HOXB5: variants seen among roughly 807,000 people sequenced by gnomAD.
HOXB5 encodes the protein homeobox protein Hox-B5.
A neutral mutation model predicts 19.6 loss-of-function variants in HOXB5; 10 were observed. The observed-to-expected ratio is 0.51, with a 90% CI of 0.32 to 0.87. The LOEUF is 0.87. Ranked by LOEUF, HOXB5 falls within the 40% of genes least tolerant of loss-of-function variation. HOXB5 has a pLI of 0.04. For synonymous variants in HOXB5, 167 were observed against 156.9 expected (o/e 1.06, Z -0.48); for missense variants, 353 against 369.6 (o/e 0.96, Z 0.37).
At position 48,592,444 on chromosome 17, in the gene HOXB5, G is replaced by T. The variant is rs373035488; in HGVS notation, c.575C>A (p.Pro192Gln). Reference protein sequence around the residue: ...KLHISHDMTGPDGKRARTAYT... With the variant: ...KLHISHDMTGQDGKRARTAYT... Reference sequence around the variant, plus strand: ...CGCGGTCCGGGCCCTTTTCCCGTCCGGCCCGGTCATATCTGGAGCAGATAG... The same window carrying T: ...CGCGGTCCGGGCCCTTTTCCCGTCCTGCCCGGTCATATCTGGAGCAGATAG... Residue 192 changes from proline to glutamine, a missense_variant, in exon 2 of 2, where the codon CCG becomes CAG. Pro to Gln is a moderately conservative substitution (Grantham distance 76, BLOSUM62 -1). Transcript: ENST00000239151. 1.3e-6 allele frequency: 2 copies of T among 1,591,682 alleles called. No individual in the cohort carries two copies. Among genetic ancestry groups the T allele is most frequent in the South Asian group, 1.1e-5 (1 of 90,834 alleles).
In HOXB5 at chr17:48,593,480, G is replaced by C; in HGVS notation, c.203C>G (p.Ala68Gly). ...GAAGGCGCGCGAGCTCTCGCCCACC[G>C]CCCCAAAGTGGCTGGAGGAGGCCGA... Reference protein sequence around the residue: ...RSSASSSHFGAVGESSRAFPA... With the variant: ...RSSASSSHFGGVGESSRAFPA... Residue 68 changes from alanine to glycine, a missense_variant, in exon 1 of 2, where the codon GCG (alanine) becomes GGG (glycine). Coordinates refer to ENST00000239151, the MANE Select transcript of HOXB5 (RefSeq NM_002147.4). The C allele has an allele frequency of 6.2e-7, 1 of 1,613,110 alleles. No homozygotes were observed. The highest frequency in any genetic ancestry group is 8.5e-7 in the Non-Finnish European group (1 of 1,179,538).
In HOXB5 at chr17:48,592,986, C is replaced by T. The variant is rs191093159; in HGVS notation, c.562+135G>A. The T allele has an allele frequency of 9.9e-6, 6 of 608,362 alleles. No homozygotes were observed. The Admixed American group carries it at 1.3e-4, about 13-fold the overall frequency. The allele number at this position is 608,362 out of a possible 1,614,324, so 37.7% of individuals were successfully genotyped here. A position where few individuals can be genotyped will look rare whatever the true frequency, so the allele number is the denominator to read the frequency against. ...GGCTCTGTCTACGAAGCTATGAGGC[C>T]CCTCTTAGATACTTCTCCCCCTTAG... is the stretch of plus-strand genomic sequence containing the variant. On this transcript the variant is annotated intron_variant, in intron 1 of 1. Coordinates refer to ENST00000239151, the MANE Select transcript of HOXB5 (RefSeq NM_002147.4).
At chr17:48,593,059 C>CCCACCCACCCCAAA in intron 1 of HOXB5, 62 bp downstream of exon 1, 1 of 637,342 alleles carries the variant, frequency 1.6e-6, no homozygotes. Flanking sequence ...CTTGTCCCCC[C>CCCACCCACCCCAAA]GATCCCACCC....
chr17:48,592,440 G>A lies in HOXB5; in HGVS notation c.579C>T (p.Asp193=). The A allele has an allele frequency of 1.2e-6, 2 of 1,603,666 alleles. No homozygotes were observed. Among genetic ancestry groups the A allele is most frequent in the Non-Finnish European group, 1.7e-6 (2 of 1,174,288 alleles). The change falls in exon 2 of 2, where the codon GAC becomes GAT. Residue 193 remains aspartate (D), a synonymous_variant. Coordinates refer to ENST00000239151, the MANE Select transcript of HOXB5 (RefSeq NM_002147.4). ...TATACGCGGTCCGGGCCCTTTTCCC[G>A]TCCGGCCCGGTCATATCTGGAGCAG... ...LHISHDMTGP[D]GKRARTAYTR...
chr17:48,592,419 C>T lies in HOXB5; in HGVS notation c.600G>A (p.Ala200=), dbSNP rs888380176. ...TGPDGKRART[A]YTRYQTLELE... is the part of the protein sequence containing the mutation. Reference sequence around the variant, plus strand: ...GCTCCAGGGTCTGGTAGCGGGTATACGCGGTCCGGGCCCTTTTCCCGTCCG... The same window carrying T: ...GCTCCAGGGTCTGGTAGCGGGTATATGCGGTCCGGGCCCTTTTCCCGTCCG... The change falls in exon 2 of 2, where the codon GCG becomes GCA. Residue 200 remains alanine (A), a synonymous_variant. Coordinates refer to ENST00000239151, the MANE Select transcript of HOXB5 (RefSeq NM_002147.4). The T allele has an allele frequency of 6.3e-7, 1 of 1,597,502 alleles. No individual in the cohort carries two copies. Among genetic ancestry groups the T allele is most frequent in the Non-Finnish European group, 8.6e-7 (1 of 1,169,384 alleles).
chr17:48,592,254 C>CAGA lies in HOXB5; in HGVS notation c.764_765insTCT (p.Lys254_Leu255insPhe), dbSNP rs1194109298. On this transcript the variant is annotated inframe_insertion, in exon 2 of 2. Coordinates refer to ENST00000239151, the MANE Select transcript of HOXB5 (RefSeq NM_002147.4). ...CAGCTGTAGCCAGGCTCATACTTTT[C>CAGA]AATTTGTTGTCCTTCTTCCACTTCA... 1.9e-6 allele frequency: 3 copies of CAGA among 1,613,982 alleles called. No homozygotes were observed. The South Asian group carries it at 3.3e-5, about 18-fold the overall frequency.
At chr17:48,593,059 C>CCCACCCACCCCCAA in intron 1 of HOXB5, 62 bp downstream of exon 1, 2 of 637,344 alleles carry the variant, frequency 3.1e-6, no homozygotes, top group Non-Finnish European at 5.5e-6. Flanking sequence ...CTTGTCCCCC[C>CCCACCCACCCCCAA]GATCCCACCC....
chr17:48,593,053 T>TGGCCCCCCCCC, intron 1 of HOXB5, 68 bp downstream of exon 1: 1 of 621,654 alleles, frequency 1.6e-6, no homozygotes, highest in East Asian at 3.0e-5. Context: ...GCTCTCCTTG[T>TGGCCCCCCCCC]CCCCCCGATC....
intron 1 of HOXB5, 68 bp downstream of exon 1, chr17:48,593,053 T>TGCCCCCCCCCCC: frequency 1.6e-6 from 1 of 621,654 alleles, no homozygotes; most frequent in Middle Eastern, 5.0e-4. Flanking sequence ...GCTCTCCTTG[T>TGCCCCCCCCCCC]CCCCCCGATC....
At position 48,592,155 on chromosome 17, in the gene HOXB5, G is replaced by T; in HGVS notation, c.*54C>A. ...CGGCAGAGCGGGGAGGATTGGAGGG[G>T]CCAGGGCTGGGGGTGGCACGGGCTC... On this transcript the variant is annotated 3_prime_UTR_variant, in exon 2 of 2. Transcript: ENST00000239151. 1 of 1,584,924 alleles carries T rather than the reference G, an allele frequency of 6.3e-7. No homozygotes were observed.
rs568039277 is a variant in HOXB5, at chr17:48,592,128, G to A, written c.*81C>T. ...TTGTGGGAACCGGTCCCCAGCGGGC[G>A]GCGGCAGAGCGGGGAGGATTGGAGG... On this transcript the variant is annotated 3_prime_UTR_variant, in exon 2 of 2. Transcript: ENST00000239151. 2.5e-4 allele frequency: 381 copies of A among 1,497,434 alleles called. 1 individual carries two copies. The African/African-American group carries it at 4.8e-3, about 19-fold the overall frequency. 92.8% of individuals were successfully genotyped at this position (1,497,434 alleles called of 1,614,324 possible). A position where few individuals can be genotyped will look rare whatever the true frequency, so the allele number is the denominator to read the frequency against.
At position 48,592,082 on chromosome 17, in the gene HOXB5, G is replaced by GT. The variant is rs1246408038; in HGVS notation, c.*126dup. On this transcript the variant is annotated 3_prime_UTR_variant, in exon 2 of 2. Transcript: ENST00000239151. ...AAGACCTAAGACCAAACGAAATATC[G>GT]TAACACAAGGCGAGGCAGGCTTGTG... 7 of 1,080,462 alleles carry GT rather than the reference G, an allele frequency of 6.5e-6. No individual in the cohort carries two copies. The African/African-American group carries it at 1.1e-4, about 17-fold the overall frequency. 66.9% of individuals were successfully genotyped at this position (1,080,462 alleles called of 1,614,324 possible). A position where few individuals can be genotyped will look rare whatever the true frequency, so the allele number is the denominator to read the frequency against.
intron 1 of HOXB5, among the ~76,000 whole-genome samples, 169 bp from the exon 2 acceptor site, chr17:48,592,625 C>G (rs1287716854): frequency 6.6e-6 from 1 of 152,230 alleles, no homozygotes; most frequent in East Asian, 1.9e-4. Flanking sequence ...TTCTGCACCC[C>G]TTTCTACTGC....
Position 48,593,179 on chromosome 17 carries a change from C to T in HOXB5, c.504G>A (p.Ala168=), listed in dbSNP as rs778131881. Residue 168 remains alanine, a synonymous_variant, in exon 1 of 2, where the codon GCG becomes GCA. Coordinates refer to ENST00000239151, the MANE Select transcript of HOXB5 (RefSeq NM_002147.4). ...QPEPMATSTA[A]PEGQTPQIFP... ...ATATTTGCGGAGTCTGCCCCTCGGG[C>T]GCGGCTGTGGAGGTGGCCATGGGCT... 4 of 1,594,908 alleles carry T rather than the reference C, an allele frequency of 2.5e-6. No homozygotes were observed. The Admixed American group carries it at 7.0e-5, about 28-fold the overall frequency.
rs1175501964 is a variant in HOXB5, at chr17:48,592,275, C to T, written c.744G>A (p.Lys248=). The change falls in exon 2 of 2, where the codon AAG becomes AAA. Residue 248 remains lysine (K), a synonymous_variant. Transcript: ENST00000239151. The stretch of plus-strand genomic sequence containing the variant: ...TTTTCAATTTGTTGTCCTTCTTCCA[C>T]TTCATGCGCCGGTTCTGGAACCAGA... ...IKIWFQNRRM[K]WKKDNKLKSM... is the part of the protein sequence containing the mutation. The T allele has an allele frequency of 6.2e-7, 1 of 1,614,060 alleles. No individual in the cohort carries two copies. The highest frequency in any genetic ancestry group is 1.7e-5 in the Admixed American group (1 of 60,014).
intron 1 of HOXB5, 56 bp downstream of exon 1, chr17:48,593,065 C>T: frequency 2.6e-6 from 2 of 761,326 alleles, no homozygotes; most frequent in Non-Finnish European, 4.2e-6. Context: ...CCCCCGATCC[C>T]ACCCCAAAAC....
Position 48,592,124 on chromosome 17 carries a change from G to T in HOXB5, c.*85C>A. The T allele has an allele frequency of 2.7e-6, 4 of 1,482,430 alleles. No homozygotes were observed. The highest frequency in any genetic ancestry group is 2.7e-6 in the Non-Finnish European group (3 of 1,101,586). 91.8% of individuals were successfully genotyped at this position (1,482,430 alleles called of 1,614,324 possible). ...AGGCTTGTGGGAACCGGTCCCCAGC[G>T]GGCGGCGGCAGAGCGGGGAGGATTG... On this transcript the variant is annotated 3_prime_UTR_variant, in exon 2 of 2. Coordinates refer to ENST00000239151, the MANE Select transcript of HOXB5 (RefSeq NM_002147.4).
chr17:48,593,637 CATTTGGAT>C lies in HOXB5; in HGVS notation c.38_45del (p.Tyr13TrpfsTer128). ...TAATTTAGCAACTGATAGTCCGGGC[CATTTGGAT>C]AACGCCCCGAGAAGGAGTTTACAAA... On this transcript the variant is annotated frameshift_variant, in exon 1 of 2. Coordinates refer to ENST00000239151, the MANE Select transcript of HOXB5 (RefSeq NM_002147.4). LOFTEE classifies it high-confidence loss of function. 6.2e-7 allele frequency: 1 copy of C among 1,612,816 alleles called. No individual in the cohort carries two copies. Among genetic ancestry groups the C allele is most frequent in the Non-Finnish European group, 8.5e-7 (1 of 1,179,852 alleles).
chr17:48,593,506 G>A lies in HOXB5; in HGVS notation c.177C>T (p.Ser59=), dbSNP rs2070201345. ...CCCCAAAGTGGCTGGAGGAGGCCGA[G>A]GAGCGGTTGACGCTGAGGTCCATCC... The part of the protein sequence containing the change: ...YNGMDLSVNR[S]SASSSHFGAV... Residue 59 remains serine, a synonymous_variant, in exon 1 of 2, where the codon TCC becomes TCT. Coordinates refer to ENST00000239151, the MANE Select transcript of HOXB5 (RefSeq NM_002147.4). The A allele has an allele frequency of 2.5e-6, 4 of 1,613,312 alleles. No individual in the cohort carries two copies. In the East Asian group the frequency reaches 8.9e-5, roughly 36 times the overall value.
Sources: allele counts gnomAD v4.1 joint callset (sites outside exome capture counted in the v4.1 genomes callset), GRCh38; gene constraint gnomAD v4.1.1; transcripts MANE v1.5; gene names NCBI Gene and HGNC (gene_info 2026-07-23, HGNC 2026-07-21).